Variants in TJP1 observed in about 807,000 individuals in gnomAD.
TJP1 encodes the protein tight junction protein 1.
TJP1 carries 43 observed loss-of-function variants against 194.2 expected under a neutral mutation model. The ratio of observed to expected loss-of-function variants is 0.22; its 90% CI spans 0.17 to 0.29. TJP1 has a LOEUF of 0.29. TJP1 is among the 10% of genes least tolerant of loss of function. TJP1 has a pLI of 1.00. For missense variants in TJP1, 1,971 were observed against 2,185.7 expected (o/e 0.90, Z 1.96); for synonymous variants, 801 against 779.0 (o/e 1.03, Z -0.47).
intron 2 of TJP1, among the ~76,000 whole-genome samples, chr15:29,842,075 G>T (rs1218501009): frequency 3.3e-5 from 5 of 152,144 alleles, no homozygotes; most frequent in Non-Finnish European, 7.3e-5. Flanking sequence ...GCAAATGATA[G>T]CTTCCAGATA....
Position 29,874,535 on chromosome 15 carries a change from A to G in TJP1, c.307-73833T>C, listed in dbSNP as rs372746170. 2.4e-4 allele frequency among the ~76,000 whole-genome samples: 37 copies of G among 152,298 alleles called. No individual in the cohort carries two copies. In the South Asian group the frequency reaches 7.7e-3, roughly 32 times the overall value. ...AAAAAGGAATCTACCCCATTATGAA[A>G]TAGAAGAAACCTCAGCAAGTTGTTG... On this transcript the variant is annotated intron_variant, in intron 2 of 28. Coordinates refer to the TJP1 transcript ENST00000356107.
At chr15:29,748,561 A>ATGC (rs1555402083) in intron 8 of TJP1, among the ~76,000 whole-genome samples, 1 of 104,522 alleles carries the variant, frequency 9.6e-6, no homozygotes, top group African/African-American at 3.6e-5. Context: ...AACCTTCCTA[A>ATGC]TTCTTTTTTT....
intron 2 of TJP1, among the ~76,000 whole-genome samples, chr15:29,922,143 G>A (rs138736704): frequency 6.6e-6 from 1 of 152,122 alleles, no homozygotes; most frequent in Non-Finnish European, 1.5e-5. Context: ...CACCGCACCC[G>A]GACTTTTTCT....
intron 2 of TJP1, among the ~76,000 whole-genome samples, chr15:29,954,929 A>T (rs2055882602): frequency 6.6e-6 from 1 of 151,942 alleles, no homozygotes; most frequent in South Asian, 2.1e-4. Flanking sequence ...AAATACAAAA[A>T]ATTACCCAGG....
At chr15:29,937,383 T>C (rs2054920207) in intron 2 of TJP1, among the ~76,000 whole-genome samples, 1 of 152,056 alleles carries the variant, frequency 6.6e-6, no homozygotes, top group Non-Finnish European at 1.5e-5. Context: ...GAACTGAAAA[T>C]TATATTTTAA....
intron 2 of TJP1, among the ~76,000 whole-genome samples, chr15:29,857,574 T>C (rs985002768): frequency 6.6e-6 from 1 of 152,092 alleles, no homozygotes; most frequent in African/African-American, 2.4e-5. Context: ...ATAAAATATG[T>C]ATGTGAAGAG....
intron 2 of TJP1, among the ~76,000 whole-genome samples, chr15:29,897,992 T>C (rs1345748818): frequency 6.6e-6 from 1 of 152,126 alleles, no homozygotes; most frequent in Non-Finnish European, 1.5e-5. Flanking sequence ...CTGAAATGAG[T>C]TAAGACTTTG....
chr15:29,708,703 G>A lies in TJP1; in HGVS notation c.4706C>T (p.Thr1569Ile). The A allele has an allele frequency of 6.2e-7, 1 of 1,614,262 alleles. No individual in the cohort carries two copies. The highest frequency in any genetic ancestry group is 8.5e-7 in the Non-Finnish European group (1 of 1,180,048). The change falls in exon 25 of 28, where the codon ACT becomes ATT. Residue 1569 changes from threonine (T) to isoleucine (I), a missense_variant. Transcript: ENST00000614355. Reference sequence around the variant, plus strand: ...CGATTTCACAAGAGTTTTTGGAGAAGTGGGAGTTTTTGAAGACAAGTCAGG... The same window carrying A: ...CGATTTCACAAGAGTTTTTGGAGAAATGGGAGTTTTTGAAGACAAGTCAGG... Reference protein sequence around the residue: ...HKPDLSSKTPTSPKTLVKSHS... With the variant: ...HKPDLSSKTPISPKTLVKSHS...
chr15:29,741,622 TCA>T (rs1288725768), intron 9 of TJP1, among the ~76,000 whole-genome samples, 186 bp from the exon 10 acceptor site: 1 of 152,210 alleles, frequency 6.6e-6, no homozygotes, highest in Non-Finnish European at 1.5e-5. Context: ...TGTTACACAG[TCA>T]CCTGTGTTTT....
chr15:29,962,392 G>T (rs943729074), intron 1 of TJP1, among the ~76,000 whole-genome samples: 1 of 152,200 alleles, frequency 6.6e-6, no homozygotes, highest in African/African-American at 2.4e-5. Context: ...CAGTGGAAAA[G>T]AACTCAATAA....
chr15:29,735,055 C>A (rs1426807703), intron 11 of TJP1, among the ~76,000 whole-genome samples: 2 of 152,072 alleles, frequency 1.3e-5, no homozygotes, highest in Admixed American at 1.3e-4. Flanking sequence ...GTAAGAGCAT[C>A]TGTGTAATGC....
chr15:29,742,545 G>A lies in TJP1; in HGVS notation c.1150+97C>T, dbSNP rs16955726. The A allele has an allele frequency of 5.2e-4, 707 of 1,346,700 alleles. 2 individuals carry two copies. In the African/African-American group the frequency reaches 7.1e-3, roughly 14 times the overall value. 83.4% of individuals were successfully genotyped at this position (1,346,700 alleles called of 1,614,324 possible). A position where few individuals can be genotyped will look rare whatever the true frequency, so the allele number is the denominator to read the frequency against. ...ATGCAGACAAATTCACACATGAGAA[G>A]AATAATAATTGCATCTTTAAAATCT... On this transcript the variant is annotated intron_variant, in intron 9 of 27. Coordinates refer to ENST00000614355, the MANE Select transcript of TJP1 (RefSeq NM_001330239.4).
chr15:29,862,886 G>T (rs1330915338), intron 2 of TJP1, among the ~76,000 whole-genome samples: 2 of 151,316 alleles, frequency 1.3e-5, no homozygotes, highest in Admixed American at 6.6e-5. Flanking sequence ...CTGACTTCGT[G>T]ATCCGCCCGC....
chr15:29,827,257 C>T (rs2050705626), upstream of TJP1, among the ~76,000 whole-genome samples: 4 of 152,156 alleles, frequency 2.6e-5, no homozygotes, highest in South Asian at 8.3e-4. Flanking sequence ...GAGCAATAGG[C>T]CCGTGGCTCA....
At chr15:29,729,871 C>T (rs1348362179) in intron 15 of TJP1, among the ~76,000 whole-genome samples, 2 of 148,372 alleles carry the variant, frequency 1.3e-5, no homozygotes, top group African/African-American at 2.5e-5. Flanking sequence ...CCAGTGGGAA[C>T]AAAATCCCCA....
chr15:29,946,589 C>T (rs1218896963), intron 2 of TJP1, among the ~76,000 whole-genome samples: 4 of 152,172 alleles, frequency 2.6e-5, no homozygotes, highest in Non-Finnish European at 2.9e-5. Flanking sequence ...AAGAAACACT[C>T]GATGGACCCA....
chr15:29,933,679 GC>G (rs1410678052), intron 2 of TJP1, among the ~76,000 whole-genome samples: 2 of 152,142 alleles, frequency 1.3e-5, no homozygotes, highest in Non-Finnish European at 2.9e-5. Context: ...GGCAAATCAA[GC>G]TTTTTTTCAA....
intron 2 of TJP1, among the ~76,000 whole-genome samples, chr15:29,910,563 TTAC>T (rs1409468364): frequency 1.3e-5 from 2 of 152,250 alleles, no homozygotes; most frequent in African/African-American, 4.8e-5. Flanking sequence ...AATACTATTC[TTAC>T]TATCTGAATG....
At chr15:29,957,739 G>A (rs2056001412) in intron 1 of TJP1, among the ~76,000 whole-genome samples, 2 of 152,228 alleles carry the variant, frequency 1.3e-5, no homozygotes, top group Admixed American at 6.5e-5. Flanking sequence ...ACATCTTTGG[G>A]TACAAATGCA....
Sources: allele counts gnomAD v4.1 joint callset (sites outside exome capture counted in the v4.1 genomes callset), GRCh38; gene constraint gnomAD v4.1.1; transcripts MANE v1.5; gene names NCBI Gene and HGNC (gene_info 2026-07-23, HGNC 2026-07-21).